CDYL2: variants seen among roughly 807,000 people sequenced by gnomAD.
CDYL2 encodes the protein chromodomain Y-like protein 2.
A neutral mutation model predicts 49.4 loss-of-function variants in CDYL2; 23 were observed. The ratio of observed to expected loss-of-function variants is 0.47; its 90% confidence interval spans 0.34 to 0.66. The LOEUF (loss-of-function observed/expected upper bound fraction) is 0.66, where lower values mean the gene tolerates loss of function less well. CDYL2 is among the 30% of genes least tolerant of loss of function. CDYL2 has a pLI of 0.01. For missense variants in CDYL2, 678 were observed against 656.4 expected (o/e 1.03, Z -0.36); for synonymous variants, 360 against 268.8 (o/e 1.34, Z -3.32).
Position 80,599,375 on chromosome 16 carries a change from T to A in CDYL2, c.*5013A>T, listed in dbSNP as rs1001545073. ...AAAGGAATAATAATTTCTTTTTAAG[T>A]CTAAATTCTAGTTGGTTTTATTAAA... On this transcript the variant is annotated 3_prime_UTR_variant, in exon 7 of 7. Coordinates refer to ENST00000570137, the MANE Select transcript of CDYL2 (RefSeq NM_152342.4). The A allele has an allele frequency of 1.2e-4, 18 of 152,230 alleles. No homozygotes were observed. Among genetic ancestry groups the A allele is most frequent in the African/African-American group, 4.1e-4 (17 of 41,462 alleles). 9.4% of individuals were successfully genotyped at this position (152,230 alleles called of 1,614,324 possible). A position where few individuals can be genotyped will look rare whatever the true frequency, so the allele number is the denominator to read the frequency against.
chr16:80,655,399 A>T (rs1908762456), intron 2 of CDYL2, among the ~76,000 whole-genome samples: 1 of 152,182 alleles, frequency 6.6e-6, no homozygotes, highest in Non-Finnish European at 1.5e-5. Context: ...CTGTGCCCTC[A>T]TGGAGCTTGC....
At chr16:80,779,363 C>T (rs1385588814) in intron 1 of CDYL2, among the ~76,000 whole-genome samples, 5 of 150,418 alleles carry the variant, frequency 3.3e-5, no homozygotes, top group Non-Finnish European at 7.4e-5. Context: ...TTAAATAATA[C>T]GAGTAGTGCT....
chr16:80,728,126 A>G (rs1351201584), intron 1 of CDYL2, among the ~76,000 whole-genome samples: 1 of 152,234 alleles, frequency 6.6e-6, no homozygotes, highest in East Asian at 1.9e-4. Context: ...CTGAGAGAAG[A>G]AGGCTTCAGA....
At chr16:80,731,766 A>G (rs906414319) in intron 1 of CDYL2, among the ~76,000 whole-genome samples, 1 of 152,218 alleles carries the variant, frequency 6.6e-6, no homozygotes, top group African/African-American at 2.4e-5. Context: ...CAGGATGAAG[A>G]CATTTTCAGA....
At chr16:80,703,030 A>G (rs1904311384) in intron 1 of CDYL2, among the ~76,000 whole-genome samples, 1 of 152,202 alleles carries the variant, frequency 6.6e-6, no homozygotes, top group Non-Finnish European at 1.5e-5. Flanking sequence ...TGTGGAATAT[A>G]TATACACACA....
At chr16:80,652,126 T>C (rs897738521) in intron 2 of CDYL2, among the ~76,000 whole-genome samples, 1 of 152,058 alleles carries the variant, frequency 6.6e-6, no homozygotes, top group African/African-American at 2.4e-5. Context: ...ATCAATGACA[T>C]CCCAATAGCA....
chr16:80,704,522 T>C (rs898609557), intron 1 of CDYL2, among the ~76,000 whole-genome samples: 3 of 152,312 alleles, frequency 2.0e-5, no homozygotes, highest in South Asian at 2.1e-4. Context: ...CCAACATTAA[T>C]AGCAAACTGA....
At chr16:80,790,281 AG>A (rs1295118024) in intron 1 of CDYL2, among the ~76,000 whole-genome samples, 1 of 152,026 alleles carries the variant, frequency 6.6e-6, no homozygotes, top group Admixed American at 6.5e-5. Context: ...ACAAATGCCA[AG>A]GGGGTGGTAA....
intron 1 of CDYL2, among the ~76,000 whole-genome samples, chr16:80,733,624 T>A (rs1383155759): frequency 6.6e-6 from 1 of 152,150 alleles, no homozygotes; most frequent in African/African-American, 2.4e-5. Flanking sequence ...TGGATGTGCC[T>A]CTTCGCAAGT....
intron 1 of CDYL2, among the ~76,000 whole-genome samples, chr16:80,791,351 T>C (rs772061755): frequency 1.3e-5 from 2 of 152,206 alleles, no homozygotes; most frequent in Non-Finnish European, 2.9e-5. Flanking sequence ...ATAAATTAAT[T>C]ATTTCATTAA....
intron 1 of CDYL2, among the ~76,000 whole-genome samples, chr16:80,769,548 G>C (rs974207355): frequency 6.6e-6 from 1 of 152,262 alleles, no homozygotes; most frequent in Non-Finnish European, 1.5e-5. Flanking sequence ...CTGATATTAG[G>C]CTGTCACCAT....
chr16:80,802,129 C>T (rs1228816628), intron 1 of CDYL2, among the ~76,000 whole-genome samples: 1 of 152,046 alleles, frequency 6.6e-6, no homozygotes, highest in Non-Finnish European at 1.5e-5. Context: ...AATCTGGCAA[C>T]GACAATTACC....
At chr16:80,637,442 G>T (rs2064203839) in intron 2 of CDYL2, among the ~76,000 whole-genome samples, 1 of 152,006 alleles carries the variant, frequency 6.6e-6, no homozygotes, top group Admixed American at 6.6e-5. Context: ...TATAAAGTTT[G>T]GGAAGAAATA....
intron 2 of CDYL2, among the ~76,000 whole-genome samples, chr16:80,635,435 C>T (rs4889177): frequency 2.0e-5 from 3 of 152,044 alleles, no homozygotes; most frequent in Admixed American, 2.0e-4. Context: ...AGACAGCCAG[C>T]CAAATCATGA....
chr16:80,698,436 G>A (rs965594338), intron 1 of CDYL2, among the ~76,000 whole-genome samples: 2 of 152,120 alleles, frequency 1.3e-5, no homozygotes, highest in African/African-American at 4.8e-5. Context: ...ATTAAAAAAT[G>A]GGCCAATGAT....
chr16:80,704,654 T>G (rs1369920233), intron 1 of CDYL2, among the ~76,000 whole-genome samples: 1 of 152,196 alleles, frequency 6.6e-6, no homozygotes, highest in Non-Finnish European at 1.5e-5. Flanking sequence ...AAGGAAGAGC[T>G]GCCACTGATT....
chr16:80,772,493 A>C lies in CDYL2; in HGVS notation c.24+31657T>G, dbSNP rs372214795. Among the ~76,000 whole-genome samples the C allele has an allele frequency of 4.3e-4, 66 of 152,322 alleles. No individual in the cohort carries two copies. The Middle Eastern group carries it at 0.01, about 24-fold the overall frequency. On this transcript the variant is annotated intron_variant, in intron 1 of 6. Transcript: ENST00000570137. Reference sequence around the variant, plus strand: ...TGGGAGACGGAGTCTCCCTCTGTAGACCACGCTGGAATGCAGTGGCATGAT... The same window carrying C: ...TGGGAGACGGAGTCTCCCTCTGTAGCCCACGCTGGAATGCAGTGGCATGAT...
chr16:80,756,421 C>T (rs1303723410), intron 1 of CDYL2, among the ~76,000 whole-genome samples: 2 of 151,924 alleles, frequency 1.3e-5, no homozygotes, highest in African/African-American at 4.8e-5. Context: ...CAAAAAATGG[C>T]AGTAATTCAA....
chr16:80,786,420 T>C (rs1460126997), intron 1 of CDYL2, among the ~76,000 whole-genome samples: 1 of 152,150 alleles, frequency 6.6e-6, no homozygotes. Flanking sequence ...TGAGATACCA[T>C]CTCACGCCAG....
Sources: allele counts gnomAD v4.1 joint callset (sites outside exome capture counted in the v4.1 genomes callset), GRCh38; gene constraint gnomAD v4.1.1; transcripts MANE v1.5; gene names NCBI Gene and HGNC (gene_info 2026-07-23, HGNC 2026-07-21).